The following ZBBX variants were observed in gnomAD, a reference collection of about 807,000 sequenced individuals.
ZBBX encodes the protein zinc finger B-box domain containing.
ZBBX carries 101 observed loss-of-function variants against 108.5 expected under a neutral mutation model. That is an observed-to-expected ratio of 0.93 (90% CI 0.79 to 1.10). The LOEUF (loss-of-function observed/expected upper bound fraction) is 1.10. ZBBX is among the 50% of genes least tolerant of loss of function. ZBBX has a pLI of 0.00. For synonymous variants in ZBBX, 356 were observed against 323.4 expected (o/e 1.10, Z -1.08); for missense variants, 1,009 against 941.4 (o/e 1.07, Z -0.94).
intron 3 of ZBBX, among the ~76,000 whole-genome samples, chr3:167,373,501 C>A (rs555614263): frequency 6.6e-6 from 1 of 152,114 alleles, no homozygotes; most frequent in South Asian, 2.1e-4. Context: ...TTAGGGGCAC[C>A]AATCCCCCAA....
At chr3:167,377,838 T>C (rs1325127573) in intron 2 of ZBBX, among the ~76,000 whole-genome samples, 1 of 152,194 alleles carries the variant, frequency 6.6e-6, no homozygotes, top group Non-Finnish European at 1.5e-5. Context: ...AGTTTGGCTG[T>C]GTCTCCACCC....
At chr3:167,215,578 G>C in the ZBBX span, among the ~76,000 whole-genome samples, 3 of 152,228 alleles carry the variant, frequency 2.0e-5, no homozygotes, top group South Asian at 6.2e-4. Context: ...CATTCCTACT[G>C]AAAGTATTCC....
At chr3:167,249,281 G>A (rs2108349163) in intron 20 of ZBBX, among the ~76,000 whole-genome samples, 1 of 152,308 alleles carries the variant, frequency 6.6e-6, no homozygotes, top group South Asian at 2.1e-4. Context: ...CATAAGTGTA[G>A]GCTTTCTATA....
At chr3:167,214,687 A>G in the ZBBX span, among the ~76,000 whole-genome samples, 3 of 152,304 alleles carry the variant, frequency 2.0e-5, no homozygotes, top group Non-Finnish European at 4.4e-5. Context: ...CAGAATGCAC[A>G]TTCTTCTCAT....
chr3:167,331,853 A>G (rs562748844), intron 10 of ZBBX, among the ~76,000 whole-genome samples: 1 of 152,320 alleles, frequency 6.6e-6, no homozygotes, highest in Admixed American at 6.5e-5. Context: ...TTACAATGCT[A>G]TAAGAAAAAC....
At chr3:167,398,630 A>G (rs1449871150) in intron 1 of ZBBX, among the ~76,000 whole-genome samples, 3 of 152,112 alleles carry the variant, frequency 2.0e-5, no homozygotes, top group African/African-American at 7.2e-5. Flanking sequence ...TTATTACCTA[A>G]AGAATTATGA....
At chr3:167,311,602 A>G (rs1734592464) in intron 16 of ZBBX, among the ~76,000 whole-genome samples, 1 of 152,138 alleles carries the variant, frequency 6.6e-6, no homozygotes, top group Non-Finnish European at 1.5e-5. Context: ...AAAATAAACA[A>G]CCCAATCAAA....
At chr3:167,267,311 G>C (rs1725699894) in intron 20 of ZBBX, among the ~76,000 whole-genome samples, 1 of 152,166 alleles carries the variant, frequency 6.6e-6, no homozygotes, top group Non-Finnish European at 1.5e-5. Context: ...AGCAGGTAGG[G>C]CTAAAGGATA....
intron 1 of ZBBX, among the ~76,000 whole-genome samples, chr3:167,397,316 T>C (rs915143625): frequency 3.3e-5 from 5 of 151,810 alleles, no homozygotes; most frequent in African/African-American, 1.2e-4. Flanking sequence ...AGTTTGTCAA[T>C]GTTCACAAGT....
downstream of ZBBX, among the ~76,000 whole-genome samples, chr3:167,235,213 AGAG>A (rs1269321824): frequency 4.6e-5 from 7 of 151,870 alleles, no homozygotes; most frequent in African/African-American, 1.7e-4. Flanking sequence ...ATAGAAAGTC[AGAG>A]GAGAAAGTAA....
At chr3:167,219,915 C>T in the ZBBX span, among the ~76,000 whole-genome samples, 2 of 151,768 alleles carry the variant, frequency 1.3e-5, no homozygotes, top group Non-Finnish European at 1.5e-5. Context: ...GAAAAAGTAA[C>T]ATTACAGCCG....
At chr3:167,389,021 T>C (rs1388838057) in intron 1 of ZBBX, among the ~76,000 whole-genome samples, 1 of 152,066 alleles carries the variant, frequency 6.6e-6, no homozygotes, top group Non-Finnish European at 1.5e-5. Flanking sequence ...GCAGGTTTGT[T>C]ACATAGGTAT....
At chr3:167,322,737 T>C (rs564303399) in intron 11 of ZBBX, among the ~76,000 whole-genome samples, 29 of 152,002 alleles carry the variant, frequency 1.9e-4, no homozygotes, top group Non-Finnish European at 3.8e-4. Flanking sequence ...CACTACTAAA[T>C]TAAAATCACT....
At chr3:167,328,166 C>T in intron 10 of ZBBX, 50 bp from the exon 11 acceptor site, 2 of 1,533,578 alleles carry the variant, frequency 1.3e-6, no homozygotes, top group South Asian at 1.3e-5. Context: ...CTGTATTTAC[C>T]CACAAAAATT....
chr3:167,338,160 C>A (rs1171151438), intron 9 of ZBBX, among the ~76,000 whole-genome samples: 1 of 152,132 alleles, frequency 6.6e-6, no homozygotes, highest in Non-Finnish European at 1.5e-5. Context: ...CAGATTCCCC[C>A]ACATCCTTCA....
intron 11 of ZBBX, among the ~76,000 whole-genome samples, chr3:167,325,057 T>G (rs896949064): frequency 6.6e-6 from 1 of 152,158 alleles, no homozygotes; most frequent in African/African-American, 2.4e-5. Context: ...CGAGTACATC[T>G]ACATTGATAA....
At chr3:167,238,307 T>C (rs1236755605), downstream of ZBBX, among the ~76,000 whole-genome samples, 1 of 152,046 alleles carries the variant, frequency 6.6e-6, no homozygotes, top group African/African-American at 2.4e-5. Context: ...GAGGACATGT[T>C]AAGAGGGCAG....
chr3:167,249,809 C>T (rs566419577), intron 20 of ZBBX, among the ~76,000 whole-genome samples: 3 of 152,188 alleles, frequency 2.0e-5, no homozygotes, highest in South Asian at 2.1e-4. Context: ...TCATATATAG[C>T]GTCAGAGAAG....
chr3:167,188,728 G>A, the ZBBX span, among the ~76,000 whole-genome samples: 1 of 151,996 alleles, frequency 6.6e-6, no homozygotes, highest in Non-Finnish European at 1.5e-5. Context: ...TTCATTTACT[G>A]CCAGTTGCTT....
Sources: allele counts gnomAD v4.1 joint callset (sites outside exome capture counted in the v4.1 genomes callset), GRCh38; gene constraint gnomAD v4.1.1; transcripts MANE v1.5; gene names NCBI Gene and HGNC (gene_info 2026-07-23, HGNC 2026-07-21).